LRRTM3: variants seen among roughly 807,000 people sequenced by gnomAD.
The protein encoded by LRRTM3 is leucine rich repeat transmembrane neuronal 3.
A neutral mutation model predicts 44.7 loss-of-function variants in LRRTM3; 24 were observed. That is an observed-to-expected ratio of 0.54 (90% confidence interval 0.39 to 0.76). The LOEUF (loss-of-function observed/expected upper bound fraction) is 0.76, where lower values mean the gene tolerates loss of function less well. Among genes scored for constraint, LRRTM3 ranks in the 30% least tolerant of loss-of-function variants. The pLI is 0.00. For missense variants in LRRTM3, 587 were observed against 702.2 expected (o/e 0.84, Z 1.85); for synonymous variants, 277 against 278.7 (o/e 0.99, Z 0.06).
intron 2 of LRRTM3, among the ~76,000 whole-genome samples, chr10:66,975,687 T>A (rs943693278): frequency 2.6e-5 from 4 of 152,136 alleles, no homozygotes; most frequent in Non-Finnish European, 5.9e-5. Flanking sequence ...CACAAGTTTA[T>A]CTGGTTCTCC....
chr10:66,998,286 C>G (rs1175936695), intron 2 of LRRTM3, among the ~76,000 whole-genome samples: 1 of 152,036 alleles, frequency 6.6e-6, no homozygotes, highest in Non-Finnish European at 1.5e-5. Flanking sequence ...ACTTAGCATA[C>G]ACTGTTGTTT....
intron 2 of LRRTM3, among the ~76,000 whole-genome samples, chr10:66,949,445 C>A (rs1848428465): frequency 6.6e-6 from 1 of 152,064 alleles, no homozygotes; most frequent in African/African-American, 2.4e-5. Context: ...GTAATCCCAG[C>A]TACTTGGGAG....
intron 2 of LRRTM3, among the ~76,000 whole-genome samples, chr10:66,998,310 A>C (rs1851472286): frequency 6.6e-6 from 1 of 152,182 alleles, no homozygotes; most frequent in African/African-American, 2.4e-5. Flanking sequence ...TACTAGTTGC[A>C]GGAATAAAAT....
At chr10:66,994,895 C>T (rs716547) in intron 2 of LRRTM3, among the ~76,000 whole-genome samples, 35,551 of 151,960 alleles carry the variant, frequency 0.23, 5,278 homozygotes, top group East Asian at 0.39. Flanking sequence ...AACTAGGAAA[C>T]CCAAATGCAA....
At chr10:67,047,851 T>C (rs1854848164) in intron 2 of LRRTM3, among the ~76,000 whole-genome samples, 2 of 152,042 alleles carry the variant, frequency 1.3e-5, no homozygotes, top group African/African-American at 4.8e-5. Context: ...GTTTTCCTGC[T>C]CTTAGTTCAA....
intron 2 of LRRTM3, among the ~76,000 whole-genome samples, chr10:67,066,559 A>G (rs1856104238): frequency 6.6e-6 from 1 of 151,546 alleles, no homozygotes; most frequent in East Asian, 1.9e-4. Flanking sequence ...AAAGGTACAT[A>G]CACACCAACC....
intron 2 of LRRTM3, among the ~76,000 whole-genome samples, chr10:66,988,891 C>G (rs994298863): frequency 6.6e-6 from 1 of 152,034 alleles, no homozygotes; most frequent in African/African-American, 2.4e-5. Context: ...CTTAAATACA[C>G]CGGGTTCCCC....
intron 2 of LRRTM3, among the ~76,000 whole-genome samples, chr10:67,092,644 C>T (rs926995941): frequency 4.6e-5 from 7 of 151,962 alleles, no homozygotes; most frequent in Admixed American, 1.3e-4. Flanking sequence ...CTTTAAAAAA[C>T]TATTCTTATC....
At chr10:66,932,187 T>C (rs1200229791) in intron 2 of LRRTM3, among the ~76,000 whole-genome samples, 3 of 152,192 alleles carry the variant, frequency 2.0e-5, no homozygotes, top group African/African-American at 7.2e-5. Flanking sequence ...GAGGTGATGA[T>C]TCATGGATAA....
chr10:66,926,149 GCTC>G lies in LRRTM3; in HGVS notation c.-434_-432del, dbSNP rs1191429533. Reference sequence around the variant, plus strand: ...ACGCAGCTCTGTGGCTGAACTGGGTGCTCATCACGGGAACTGCTGGGGTATGGA... The same window carrying G: ...ACGCAGCTCTGTGGCTGAACTGGGTGATCACGGGAACTGCTGGGGTATGGA... On this transcript the variant is annotated 5_prime_UTR_variant, in exon 1 of 3. Transcript: ENST00000361320. The G allele has an allele frequency of 7.6e-5, 35 of 460,508 alleles. No individual in the cohort carries two copies. The highest frequency in any genetic ancestry group is 5.2e-4 in the African/African-American group (26 of 50,240). 28.5% of individuals were successfully genotyped at this position (460,508 alleles called of 1,614,324 possible). A position where few individuals can be genotyped will look rare whatever the true frequency, so the allele number is the denominator to read the frequency against.
chr10:67,093,501 G>A (rs1317548311), intron 2 of LRRTM3, among the ~76,000 whole-genome samples: 3 of 151,898 alleles, frequency 2.0e-5, no homozygotes, highest in Non-Finnish European at 4.4e-5. Flanking sequence ...GTCACTTGAT[G>A]GTTATGTGAA....
At chr10:67,047,794 C>T (rs1386850630) in intron 2 of LRRTM3, among the ~76,000 whole-genome samples, 1 of 152,036 alleles carries the variant, frequency 6.6e-6, no homozygotes, top group African/African-American at 2.4e-5. Context: ...TCCCCTTATT[C>T]CTTATTCCAT....
At chr10:66,958,005 G>T (rs1003120023) in intron 2 of LRRTM3, among the ~76,000 whole-genome samples, 51 of 152,042 alleles carry the variant, frequency 3.4e-4, no homozygotes, top group African/African-American at 1.2e-3. Flanking sequence ...GCAGGGTACA[G>T]AGGAAGGGTA....
intron 2 of LRRTM3, among the ~76,000 whole-genome samples, chr10:67,081,490 A>C (rs1297350506): frequency 6.6e-6 from 1 of 152,230 alleles, no homozygotes; most frequent in Non-Finnish European, 1.5e-5. Flanking sequence ...TGTGGCTCAG[A>C]GAGGTTAATT....
chr10:67,024,177 C>T (rs1048442703), intron 2 of LRRTM3, among the ~76,000 whole-genome samples: 9 of 152,208 alleles, frequency 5.9e-5, no homozygotes, highest in Non-Finnish European at 1.2e-4. Flanking sequence ...AAGACTACTA[C>T]ACTCCTTGGC....
rs755177401 is a variant in LRRTM3, at chr10:66,927,841, C to T, written c.925C>T (p.Leu309Phe). ...DSWISLNDISLAGNIWECSRN... is the reference protein window; with the variant it reads ...DSWISLNDISFAGNIWECSRN... ...TTGGATATCCCTCAATGACATCAGT[C>T]TTGCTGGGAATATATGGGAATGCAG... Residue 309 changes from leucine to phenylalanine, a missense_variant, in exon 2 of 3, where the codon CTT becomes TTT. Transcript: ENST00000361320. This position sits in a 1 kb window ranked among gnomAD's most constrained non-coding sequence, Gnocchi z 4.7. 2.5e-6 allele frequency: 4 copies of T among 1,614,210 alleles called. No homozygotes were observed. In the East Asian group the frequency reaches 8.9e-5, roughly 36 times the overall value.
chr10:67,078,061 A>G (rs1205850721), intron 2 of LRRTM3, among the ~76,000 whole-genome samples: 1 of 152,206 alleles, frequency 6.6e-6, no homozygotes, highest in African/African-American at 2.4e-5. Flanking sequence ...GACCAGGGTC[A>G]TACTTGGACC....
intron 2 of LRRTM3, among the ~76,000 whole-genome samples, chr10:67,082,139 A>G (rs770052100): frequency 6.6e-6 from 1 of 152,164 alleles, no homozygotes; most frequent in Non-Finnish European, 1.5e-5. Flanking sequence ...GATTTTTTAA[A>G]ATTAAAAAAC....
chr10:67,061,739 T>C (rs2133221396), intron 2 of LRRTM3, among the ~76,000 whole-genome samples: 1 of 152,310 alleles, frequency 6.6e-6, no homozygotes, highest in South Asian at 2.1e-4. Context: ...AATATGTATC[T>C]TTGTTTCTAA....
Sources: allele counts gnomAD v4.1 joint callset (sites outside exome capture counted in the v4.1 genomes callset), GRCh38; gene constraint gnomAD v4.1.1; non-coding constraint Gnocchi (gnomAD v3.1); transcripts MANE v1.5; gene names NCBI Gene and HGNC (gene_info 2026-07-23, HGNC 2026-07-21).